Variants in IL15 observed in about 807,000 individuals in gnomAD.
The protein encoded by IL15 is interleukin 15, also known as interleukin-15.
IL15 carries 11 observed loss-of-function variants against 19.6 expected under a neutral mutation model. The ratio of observed to expected loss-of-function variants is 0.56; its 90% CI spans 0.35 to 0.93. The LOEUF (loss-of-function observed/expected upper bound fraction) is 0.93, where lower values mean the gene tolerates loss of function less well. Among genes scored for constraint, IL15 ranks in the 40% least tolerant of loss-of-function variants. The pLI, the probability that IL15 is intolerant of heterozygous loss-of-function variation, is 0.01. For missense variants in IL15, 197 were observed against 186.5 expected, an observed-to-expected ratio of 1.06 and a Z score of -0.33; for synonymous variants, 58 against 59.6, an observed-to-expected ratio of 0.97 and a Z score of 0.12.
intron 7 of IL15, among the ~76,000 whole-genome samples, chr4:141,731,252 C>A (rs1317991887): frequency 1.3e-5 from 2 of 152,114 alleles, no homozygotes; most frequent in East Asian, 3.9e-4. Flanking sequence ...TCCCTGTCCC[C>A]TTCTCTGCGT....
intron 2 of IL15, among the ~76,000 whole-genome samples, chr4:141,659,676 A>T (rs570782165): frequency 3.4e-4 from 52 of 152,352 alleles, no homozygotes; most frequent in African/African-American, 1.1e-3. Flanking sequence ...CATTCTTTTT[A>T]AAAAAATTTA....
chr4:141,677,999 T>C (rs2152170944), intron 2 of IL15, among the ~76,000 whole-genome samples: 1 of 152,324 alleles, frequency 6.6e-6, no homozygotes, highest in Non-Finnish European at 1.5e-5. Context: ...GCTTTGTCTC[T>C]ATACCACATT....
intron 1 of IL15, among the ~76,000 whole-genome samples, chr4:141,638,287 A>C (rs1292843751): frequency 6.6e-6 from 1 of 152,188 alleles, no homozygotes; most frequent in Non-Finnish European, 1.5e-5. Context: ...TATCATAGAG[A>C]TCTTAAGGTT....
chr4:141,659,513 A>T (rs1727720320), intron 2 of IL15, among the ~76,000 whole-genome samples: 1 of 152,174 alleles, frequency 6.6e-6, no homozygotes, highest in Admixed American at 6.5e-5. Flanking sequence ...TGTCTTATTG[A>T]TACACACAGA....
intron 6 of IL15, 35 bp from the exon 7 acceptor site, chr4:141,729,812 A>G: frequency 8.1e-7 from 1 of 1,238,068 alleles, no homozygotes; most frequent in Non-Finnish European, 1.2e-6. Flanking sequence ...AATAATCAGA[A>G]AAAAGTAATT....
chr4:141,660,592 G>A (rs1008722083), intron 2 of IL15, among the ~76,000 whole-genome samples: 1 of 152,160 alleles, frequency 6.6e-6, no homozygotes, highest in African/African-American at 2.4e-5. Context: ...TTTTGTTTAC[G>A]TGGTTGTTAT....
chr4:141,720,785 A>G, intron 4 of IL15: 3 of 569,734 alleles, frequency 5.3e-6, no homozygotes, highest in South Asian at 2.2e-5. Context: ...CAAGCATTAT[A>G]GCCCTCAAAT....
intron 7 of IL15, among the ~76,000 whole-genome samples, 178 bp from the exon 8 acceptor site, chr4:141,732,560 T>A (rs781242336): frequency 6.6e-6 from 1 of 152,202 alleles, no homozygotes; most frequent in East Asian, 1.9e-4. Context: ...AATAAACATA[T>A]ATCAAATCTC....
chr4:141,695,272 CTTTTT>C (rs34115620), intron 2 of IL15, among the ~76,000 whole-genome samples: 72 of 62,580 alleles, frequency 1.2e-3, no homozygotes, highest in Middle Eastern at 0.011. Flanking sequence ...TCTATGATAC[CTTTTT>C]TTTTTTTTTT....
chr4:141,645,549 G>T lies in IL15; in HGVS notation c.-222+8801G>T, dbSNP rs576849377. ...CTGCATTTCTAGCCTTCACTAACAG[G>T]GTCCTTGCCTCTCTCCAGGTGTCTT... On this transcript the variant is annotated intron_variant, in intron 1 of 7. Coordinates refer to ENST00000320650, the MANE Select transcript of IL15 (RefSeq NM_000585.5). Among the ~76,000 whole-genome samples the T allele has an allele frequency of 2.0e-5, 3 of 152,158 alleles. No individual in the cohort carries two copies. In the East Asian group the frequency reaches 5.8e-4, roughly 29 times the overall value.
intron 7 of IL15, among the ~76,000 whole-genome samples, 158 bp from the exon 8 acceptor site, chr4:141,732,580 T>G (rs1730485028): frequency 6.6e-6 from 1 of 152,256 alleles, no homozygotes; most frequent in Non-Finnish European, 1.5e-5. Flanking sequence ...CCCTGTTCTC[T>G]TTCCTCGTAG....
intron 1 of IL15, among the ~76,000 whole-genome samples, chr4:141,654,610 A>T (rs1041601365): frequency 1.3e-5 from 2 of 152,200 alleles, no homozygotes; most frequent in Non-Finnish European, 2.9e-5. Context: ...AAGGTCAGAC[A>T]TAAGTTTTCC....
rs898719209 is a variant in IL15 at position 141,653,531 on chromosome 4, C to T, written c.-221-2655C>T. Among the ~76,000 whole-genome samples, 7 of 152,210 alleles carry T rather than the reference C, an allele frequency of 4.6e-5. No homozygotes were observed. In the South Asian group the frequency reaches 1.0e-3, roughly 23 times the overall value. The stretch of plus-strand genomic sequence containing the variant: ...TTTTGTGCAGACACACAAAAATGCA[C>T]GTATATATTTAACCATCCCCCTTTC... On this transcript the variant is annotated intron_variant, in intron 1 of 7. Coordinates refer to ENST00000320650, the MANE Select transcript of IL15 (RefSeq NM_000585.5).
chr4:141,728,723 C>T (rs1336316063), intron 6 of IL15, among the ~76,000 whole-genome samples: 1 of 152,088 alleles, frequency 6.6e-6, no homozygotes, highest in Non-Finnish European at 1.5e-5. Context: ...AAACCATAGT[C>T]AGAAACTAGA....
At chr4:141,706,913 G>A (rs1729534750) in intron 2 of IL15, among the ~76,000 whole-genome samples, 1 of 152,016 alleles carries the variant, frequency 6.6e-6, no homozygotes, top group Non-Finnish European at 1.5e-5. Context: ...TTTAATTAGG[G>A]ACTTTTCAGC....
At chr4:141,681,435 A>G (rs192000288) in intron 2 of IL15, among the ~76,000 whole-genome samples, 1 of 152,304 alleles carries the variant, frequency 6.6e-6, no homozygotes, top group East Asian at 1.9e-4. Context: ...TTATTTAAAA[A>G]TAAATAAATA....
intron 2 of IL15, among the ~76,000 whole-genome samples, chr4:141,685,531 T>TG (rs1728680908): frequency 6.6e-6 from 1 of 151,990 alleles, no homozygotes; most frequent in Non-Finnish European, 1.5e-5. Context: ...AGCTCCCTCA[T>TG]GGAAAAAAAG....
intron 1 of IL15, among the ~76,000 whole-genome samples, chr4:141,643,991 TAATC>T (rs1727137141): frequency 6.6e-6 from 1 of 151,890 alleles, no homozygotes; most frequent in Admixed American, 6.6e-5. Context: ...GTTCCATAGA[TAATC>T]AATCAATCTA....
intron 2 of IL15, among the ~76,000 whole-genome samples, chr4:141,669,107 T>C (rs979620042): frequency 5.9e-5 from 9 of 152,230 alleles, no homozygotes; most frequent in Non-Finnish European, 8.8e-5. Flanking sequence ...GATGACAAAA[T>C]AGTCCCTTTC....
Sources: gnomAD v4.1 joint callset for allele counts (sites outside exome capture counted in the v4.1 genomes callset) on GRCh38, gnomAD v4.1.1 for gene constraint, MANE v1.5 for transcripts, NCBI Gene and HGNC (gene_info 2026-07-23, HGNC 2026-07-21) for gene names.